The following DYSF variants were observed in gnomAD, a reference collection of about 807,000 sequenced individuals.
The protein encoded by DYSF is dystrophy-associated fer-1-like 1.
DYSF carries 212 observed loss-of-function variants against 274.9 expected under a neutral mutation model. The observed-to-expected ratio is 0.77, with a 90% CI of 0.69 to 0.86. The LOEUF (loss-of-function observed/expected upper bound fraction) is 0.86. DYSF is among the 40% of genes least tolerant of loss of function. The pLI is 0.00. For missense variants in DYSF, 2,666 were observed against 2,783.2 expected (o/e 0.96, Z 0.95); for synonymous variants, 1,091 against 1,078.7 (o/e 1.01, Z -0.22).
At chr2:71,672,946 C>G (rs1210747892) in intron 51 of DYSF, among the ~76,000 whole-genome samples, 1 of 152,224 alleles carries the variant, frequency 6.6e-6, no homozygotes, top group Non-Finnish European at 1.5e-5. Context: ...GGGACTAGTC[C>G]TCACGGGGCA....
chr2:71,550,667 G>A lies in DYSF; in HGVS notation c.1577-374G>A, dbSNP rs532264513. 5.3e-5 allele frequency among the ~76,000 whole-genome samples: 8 copies of A among 152,322 alleles called. No homozygotes were observed. In the East Asian group the frequency reaches 1.2e-3, roughly 22 times the overall value. On this transcript the variant is annotated intron_variant, in intron 17 of 55. Coordinates refer to ENST00000410020, the MANE Select transcript of DYSF (RefSeq NM_001130987.2). Reference sequence around the variant, plus strand: ...GGGGTGGGGCTGGGGAGGGGCACGAGCAGTGGAGGGCCTCAAACCCCAACT... The same window carrying A: ...GGGGTGGGGCTGGGGAGGGGCACGAACAGTGGAGGGCCTCAAACCCCAACT...
chr2:71,623,407 T>C (rs376801536), intron 41 of DYSF, among the ~76,000 whole-genome samples: 286 of 147,158 alleles, frequency 1.9e-3, no homozygotes, highest in African/African-American at 6.8e-3. Context: ...TTCCCACCTA[T>C]GAGCGAGAAT....
At chr2:71,513,142 G>T in intron 5 of DYSF, 98 bp from the exon 6 acceptor site, 1 of 1,152,224 alleles carries the variant, frequency 8.7e-7, no homozygotes, top group Non-Finnish European at 1.3e-6. Flanking sequence ...TGGGGTGGGC[G>T]GGGAAGGCAG....
At chr2:71,653,137 G>A (rs558834131) in intron 42 of DYSF, among the ~76,000 whole-genome samples, 25 of 152,204 alleles carry the variant, frequency 1.6e-4, no homozygotes, top group African/African-American at 5.3e-4. Flanking sequence ...TTAGAATGGC[G>A]ATCATTAAAA....
At chr2:71,603,237 A>G (rs771822035) in intron 36 of DYSF, among the ~76,000 whole-genome samples, 5 of 152,196 alleles carry the variant, frequency 3.3e-5, no homozygotes, top group Non-Finnish European at 4.4e-5. Context: ...TCAAAAGGCC[A>G]AGGACCAGTT....
intron 41 of DYSF, among the ~76,000 whole-genome samples, chr2:71,639,351 A>G (rs2152920291): frequency 6.6e-6 from 1 of 152,136 alleles, no homozygotes; most frequent in Non-Finnish European, 1.5e-5. Flanking sequence ...TTAATTTTTA[A>G]AGCTATGCAA....
intron 19 of DYSF, among the ~76,000 whole-genome samples, chr2:71,552,159 A>G (rs1375020452): frequency 6.6e-6 from 1 of 152,110 alleles, no homozygotes; most frequent in Non-Finnish European, 1.5e-5. Flanking sequence ...AGGCTCAGAT[A>G]TATCAGAGGA....
chr2:71,591,901 G>T (rs899219318), intron 32 of DYSF, among the ~76,000 whole-genome samples: 1 of 152,200 alleles, frequency 6.6e-6, no homozygotes, highest in Non-Finnish European at 1.5e-5. Flanking sequence ...TTTGCTTTGG[G>T]GCCAGGGTCC....
chr2:71,473,907 C>T (rs978490770), intron 1 of DYSF, among the ~76,000 whole-genome samples: 1 of 145,106 alleles, frequency 6.9e-6, no homozygotes, highest in African/African-American at 2.6e-5. Context: ...TGCAGTTCTA[C>T]TTTCTGTATG....
In DYSF at chr2:71,474,083, C is replaced by T. The variant is rs537030485; in HGVS notation, c.92-6800C>T. On this transcript the variant is annotated intron_variant, in intron 1 of 55. Transcript: ENST00000410020. ...CTGGGATTACAGGCATGTGCCACCA[C>T]GCCTGGCTAATTTTGTATTTTTAGT... 9.9e-5 allele frequency among the ~76,000 whole-genome samples: 15 copies of T among 152,086 alleles called. No homozygotes were observed. The South Asian group carries it at 1.0e-3, about 11-fold the overall frequency.
rs1553361773 is a variant in DYSF, at chr2:71,574,280, C to T, written c.3311C>T (p.Thr1104Ile). The T allele has an allele frequency of 1.2e-6, 2 of 1,614,166 alleles. No homozygotes were observed. The highest frequency in any genetic ancestry group is 1.7e-6 in the Non-Finnish European group (2 of 1,180,030). The change falls in exon 30 of 56, where the codon ACA (threonine) becomes ATA (isoleucine). Residue 1104 changes from threonine to isoleucine, a missense_variant. Coordinates refer to ENST00000410020, the MANE Select transcript of DYSF (RefSeq NM_001130987.2). The stretch of plus-strand genomic sequence containing the variant: ...AAGTTCCACCTCGAGTACCGCAAGA[C>T]AGATGCCTTCCGCCGCCGCCGCTGG... ...GWKFHLEYRK[T>I]DAFRRRRWRR...
At chr2:71,516,307 C>G in intron 9 of DYSF, 65 bp downstream of exon 9, 1 of 1,495,094 alleles carries the variant, frequency 6.7e-7, no homozygotes, top group South Asian at 1.1e-5. Flanking sequence ...TCAGTGCACA[C>G]GCGTGTGTGT....
At chr2:71,560,358 C>G (rs953391548) in intron 22 of DYSF, among the ~76,000 whole-genome samples, 1 of 151,400 alleles carries the variant, frequency 6.6e-6, no homozygotes, top group East Asian at 2.0e-4. Flanking sequence ...CTCTCCCTAT[C>G]CCTCTCCAGA....
At chr2:71,591,143 A>G (rs1306319782) in intron 32 of DYSF, among the ~76,000 whole-genome samples, 2 of 152,202 alleles carry the variant, frequency 1.3e-5, no homozygotes, top group Non-Finnish European at 2.9e-5. Context: ...AACTCTGTCC[A>G]CGTTGCCCAT....
At chr2:71,662,324 A>G (rs1052539103) in intron 45 of DYSF, among the ~76,000 whole-genome samples, 1 of 152,156 alleles carries the variant, frequency 6.6e-6, no homozygotes, top group Admixed American at 6.5e-5. Flanking sequence ...TCACGAACCC[A>G]GTCTCAGGCC....
chr2:71,570,070 G>C, intron 27 of DYSF, 136 bp downstream of exon 27: 1 of 1,086,062 alleles, frequency 9.2e-7, no homozygotes, highest in Non-Finnish European at 1.4e-6. Context: ...TTTCCAAAGG[G>C]AAAGTGTGGG....
At position 71,655,534 on chromosome 2, in the gene DYSF, G is replaced by A. The variant is rs74510693; in HGVS notation, c.4627-628G>A. On this transcript the variant is annotated intron_variant, in intron 42 of 55. Coordinates refer to ENST00000410020, the MANE Select transcript of DYSF (RefSeq NM_001130987.2). ...TTATTAAATCCTAAGCAATTCTAAA[G>A]CACTGCTTTAACAAATAATAATCAT... Among the ~76,000 whole-genome samples the A allele has an allele frequency of 8.7e-3, 1,326 of 152,296 alleles. 24 individuals carry two copies. Among genetic ancestry groups the A allele is most frequent in the African/African-American group, 0.031 (1,275 of 41,548 alleles).
intron 14 of DYSF, among the ~76,000 whole-genome samples, chr2:71,531,457 G>A (rs1183632770): frequency 5.9e-5 from 9 of 151,872 alleles, no homozygotes; most frequent in African/African-American, 2.2e-4. Flanking sequence ...GTTGAACAAG[G>A]TGACTCTCTG....
At chr2:71,667,658 T>A (rs1321311553) in intron 48 of DYSF, 143 bp downstream of exon 48, 1 of 1,345,098 alleles carries the variant, frequency 7.4e-7, no homozygotes, top group African/African-American at 1.5e-5. Context: ...ACAGTCTGAG[T>A]GCGGCCATGG....
Sources: allele counts gnomAD v4.1 joint callset (sites outside exome capture counted in the v4.1 genomes callset), GRCh38; gene constraint gnomAD v4.1.1; transcripts MANE v1.5; gene names NCBI Gene and HGNC (gene_info 2026-07-23, HGNC 2026-07-21).